The following RBFOX1 variants were observed in gnomAD, a reference collection of about 807,000 sequenced individuals.
RBFOX1 encodes RNA binding fox-1 homolog 1.
In RBFOX1, 8 loss-of-function variants were observed where a neutral mutation model predicts 57.7. The ratio of observed to expected loss-of-function variants is 0.14; its 90% confidence interval spans 0.08 to 0.25. The LOEUF (loss-of-function observed/expected upper bound fraction) is 0.25. Ranked by LOEUF, RBFOX1 falls within the 10% of genes least tolerant of loss-of-function variation. RBFOX1 has a pLI of 1.00. For synonymous variants in RBFOX1, 326 were observed against 222.4 expected (o/e 1.47, Z -4.15); for missense variants, 611 against 548.5 (o/e 1.11, Z -1.14).
At chr16:5,525,064 C>A (rs1298717657) in intron 2 of RBFOX1, among the ~76,000 whole-genome samples, 1 of 152,188 alleles carries the variant, frequency 6.6e-6, no homozygotes, top group Non-Finnish European at 1.5e-5. Flanking sequence ...GCAAATAATT[C>A]CTTCTTTCTC....
intron 13 of RBFOX1, among the ~76,000 whole-genome samples, chr16:7,675,742 C>G (rs909637353): frequency 6.6e-6 from 1 of 152,170 alleles, no homozygotes; most frequent in Non-Finnish European, 1.5e-5. Context: ...TCACACACTA[C>G]TTTGTCCTGA....
chr16:7,613,267 A>T (rs570590493), intron 10 of RBFOX1, among the ~76,000 whole-genome samples: 1 of 152,300 alleles, frequency 6.6e-6, no homozygotes, highest in East Asian at 1.9e-4. Flanking sequence ...GGGAAAAGAA[A>T]ATGACAGGAA....
At chr16:7,347,009 C>T (rs2097023370) in intron 4 of RBFOX1, among the ~76,000 whole-genome samples, 1 of 152,132 alleles carries the variant, frequency 6.6e-6, no homozygotes, top group Non-Finnish European at 1.5e-5. Context: ...AGAAAAAAGT[C>T]AAGCCAAGGA....
chr16:5,405,223 G>A (rs1251641711), intron 1 of RBFOX1, among the ~76,000 whole-genome samples: 1 of 152,152 alleles, frequency 6.6e-6, no homozygotes, highest in African/African-American at 2.4e-5. Context: ...TGGTGACATG[G>A]TTTGGCTGTG....
chr16:7,155,738 TACACACACAC>T (rs138509367), intron 4 of RBFOX1, among the ~76,000 whole-genome samples: 2 of 75,528 alleles, frequency 2.6e-5, no homozygotes, highest in Non-Finnish European at 4.5e-5. Flanking sequence ...TATATATATA[TACACACACAC>T]ACACACACAC....
chr16:5,290,463 G>C (rs2063506182), intron 1 of RBFOX1, among the ~76,000 whole-genome samples: 1 of 152,186 alleles, frequency 6.6e-6, no homozygotes, highest in Non-Finnish European at 1.5e-5. Context: ...AATTGATCCT[G>C]ATGGTGGTTG....
chr16:6,963,239 A>G (rs2083392742), intron 3 of RBFOX1, among the ~76,000 whole-genome samples: 2 of 151,486 alleles, frequency 1.3e-5, no homozygotes, highest in African/African-American at 4.8e-5. Context: ...CAAAAGCAGC[A>G]TTTGTGTTGG....
chr16:6,557,128 T>A (rs2097114655), intron 2 of RBFOX1, among the ~76,000 whole-genome samples: 1 of 145,516 alleles, frequency 6.9e-6, no homozygotes, highest in Non-Finnish European at 1.5e-5. Context: ...TATACATACA[T>A]ATACATATAT....
intron 2 of RBFOX1, among the ~76,000 whole-genome samples, chr16:6,390,880 A>T (rs2092566429): frequency 6.6e-6 from 1 of 152,110 alleles, no homozygotes; most frequent in South Asian, 2.1e-4. Flanking sequence ...ATGATAGGGA[A>T]GGCAGCATGG....
intron 3 of RBFOX1, among the ~76,000 whole-genome samples, chr16:6,693,705 C>T (rs1457113942): frequency 6.6e-6 from 1 of 151,368 alleles, no homozygotes; most frequent in Non-Finnish European, 1.5e-5. Flanking sequence ...CACCATCATC[C>T]TCCTCCACTA....
intron 9 of RBFOX1, among the ~76,000 whole-genome samples, chr16:7,602,347 C>T (rs754689147): frequency 2.0e-5 from 3 of 152,140 alleles, no homozygotes; most frequent in Non-Finnish European, 2.9e-5. Context: ...GACCCCAAGA[C>T]GTCTGTTCTC....
At chr16:5,774,935 G>A (rs745668823) in intron 3 of RBFOX1, among the ~76,000 whole-genome samples, 1 of 152,014 alleles carries the variant, frequency 6.6e-6, no homozygotes, top group African/African-American at 2.4e-5. Context: ...CACCCACTTC[G>A]GCCTCCCAAA....
intron 4 of RBFOX1, among the ~76,000 whole-genome samples, chr16:7,502,632 A>C (rs915659842): frequency 6.6e-6 from 1 of 152,210 alleles, no homozygotes; most frequent in Non-Finnish European, 1.5e-5. Flanking sequence ...TTTAGGGTAC[A>C]TGTGCACATT....
At chr16:5,964,092 A>C (rs965143095) in intron 4 of RBFOX1, among the ~76,000 whole-genome samples, 1 of 152,186 alleles carries the variant, frequency 6.6e-6, no homozygotes, top group African/African-American at 2.4e-5. Flanking sequence ...AAATAGACAT[A>C]AGACTCAAAT....
chr16:6,128,467 G>C (rs1045461600), intron 1 of RBFOX1, among the ~76,000 whole-genome samples: 14 of 152,126 alleles, frequency 9.2e-5, no homozygotes, highest in African/African-American at 3.4e-4. Context: ...TGGAGAGAAG[G>C]GAGACACCTA....
chr16:7,503,550 T>C (rs2071716663), intron 4 of RBFOX1, among the ~76,000 whole-genome samples: 4 of 152,178 alleles, frequency 2.6e-5, no homozygotes, highest in Admixed American at 2.0e-4. Flanking sequence ...ATGGCACAAG[T>C]CATCTAAATT....
intron 2 of RBFOX1, among the ~76,000 whole-genome samples, chr16:6,533,500 C>T (rs2345020): frequency 6.6e-6 from 1 of 152,002 alleles, no homozygotes; most frequent in Admixed American, 6.5e-5. Context: ...TTGACACAGC[C>T]TCCAGGGATG....
At chr16:5,903,650 A>G (rs755674753) in intron 4 of RBFOX1, among the ~76,000 whole-genome samples, 6 of 152,120 alleles carry the variant, frequency 3.9e-5, no homozygotes, top group African/African-American at 9.7e-5. Context: ...AAAAAAGTCT[A>G]TGTGTTTGGG....
intron 14 of RBFOX1, among the ~76,000 whole-genome samples, chr16:7,699,086 A>T (rs764292290): frequency 1.3e-5 from 2 of 152,164 alleles, no homozygotes; most frequent in African/African-American, 4.8e-5. Flanking sequence ...ATTCTGATTC[A>T]TAAGTCCGGA....
Sources: gnomAD v4.1 joint callset for allele counts (sites outside exome capture counted in the v4.1 genomes callset) on GRCh38, gnomAD v4.1.1 for gene constraint, MANE v1.5 for transcripts, NCBI Gene and HGNC (gene_info 2026-07-23, HGNC 2026-07-21) for gene names.